Variants in WIPF1 observed in about 807,000 individuals in gnomAD.
WIPF1 encodes WAS/WASL-interacting protein family member 1.
In WIPF1, 13 loss-of-function variants were observed where a neutral mutation model predicts 35.4. The observed-to-expected ratio is 0.37, with a 90% CI of 0.24 to 0.58. The LOEUF (loss-of-function observed/expected upper bound fraction) is 0.58. Among genes scored for constraint, WIPF1 ranks in the 20% least tolerant of loss-of-function variants. The pLI, the probability that WIPF1 is intolerant of heterozygous loss-of-function variation, is 0.74. For missense variants in WIPF1, 591 were observed against 667.0 expected (o/e 0.89, Z 1.25); for synonymous variants, 267 against 266.3 (o/e 1.00, Z -0.02).
chr2:174,596,214 C>G (rs1444713948), intron 1 of WIPF1, among the ~76,000 whole-genome samples: 10 of 152,114 alleles, frequency 6.6e-5, no homozygotes, highest in Admixed American at 6.5e-4. Flanking sequence ...GCGCTATGAG[C>G]AAATAGCCCA....
intron 1 of WIPF1, chr2:174,634,473 T>C (rs985404684): frequency 6.6e-6 from 1 of 152,248 alleles, no homozygotes; most frequent in Non-Finnish European, 1.5e-5. Context: ...ATTAGGTATT[T>C]TAGAGTGGCT....
chr2:174,667,413 AC>A (rs1349890732), intron 1 of WIPF1, among the ~76,000 whole-genome samples: 2 of 151,746 alleles, frequency 1.3e-5, no homozygotes, highest in African/African-American at 2.4e-5. Flanking sequence ...TTCCACCTCC[AC>A]CCCCGTCCCT....
chr2:174,593,685 A>G (rs1310461552), intron 1 of WIPF1, among the ~76,000 whole-genome samples: 1 of 152,234 alleles, frequency 6.6e-6, no homozygotes, highest in Non-Finnish European at 1.5e-5. Flanking sequence ...AGTAAACCAC[A>G]GTCATCCTGT....
chr2:174,627,434 CT>C (rs1487487014), intron 1 of WIPF1, among the ~76,000 whole-genome samples: 5 of 144,566 alleles, frequency 3.5e-5, no homozygotes, highest in Admixed American at 6.8e-5. Flanking sequence ...TCTTTCTTTC[CT>C]TTCTCTTTCT....
intron 3 of WIPF1, 172 bp from the exon 4 acceptor site, chr2:174,575,552 G>A (rs898175464): frequency 6.1e-6 from 7 of 1,155,742 alleles, no homozygotes; most frequent in Admixed American, 2.7e-5. Context: ...AGAACTGCCC[G>A]CTCCAGGCAG....
At chr2:174,607,630 CT>C (rs1431307223) in intron 1 of WIPF1, among the ~76,000 whole-genome samples, 1 of 152,070 alleles carries the variant, frequency 6.6e-6, no homozygotes, top group Non-Finnish European at 1.5e-5. Flanking sequence ...CTTCCTTGAC[CT>C]CTTTCCCTAC....
chr2:174,608,056 C>G (rs1686226834), intron 1 of WIPF1, among the ~76,000 whole-genome samples: 2 of 152,034 alleles, frequency 1.3e-5, no homozygotes, highest in Admixed American at 1.3e-4. Context: ...CAGGTTGACA[C>G]AAGACAGCCA....
intron 1 of WIPF1, among the ~76,000 whole-genome samples, chr2:174,682,483 C>G (rs921037582): frequency 1.3e-5 from 2 of 152,158 alleles, no homozygotes; most frequent in South Asian, 2.1e-4. Flanking sequence ...CAGCGGTGAG[C>G]TCAGCCCGAG....
chr2:174,597,844 T>C (rs912528209), upstream of WIPF1: 6 of 152,664 alleles, frequency 3.9e-5, no homozygotes, highest in Non-Finnish European at 8.8e-5. Flanking sequence ...TTGTTTGTTG[T>C]TCCTTCCTCC....
intron 7 of WIPF1, among the ~76,000 whole-genome samples, chr2:174,564,329 A>G (rs918160649): frequency 4.1e-4 from 62 of 152,186 alleles, no homozygotes; most frequent in Admixed American, 4.1e-3. Context: ...CAATTTAAAA[A>G]CTACTTTTAG....
chr2:174,627,064 C>T (rs1369293557), intron 1 of WIPF1, among the ~76,000 whole-genome samples: 6 of 152,160 alleles, frequency 3.9e-5, no homozygotes, highest in African/African-American at 1.4e-4. Context: ...CAGGCTTTCC[C>T]CATGTGGCTA....
At chr2:174,586,286 C>G (rs12994635) in intron 1 of WIPF1, among the ~76,000 whole-genome samples, 1 of 151,820 alleles carries the variant, frequency 6.6e-6, no homozygotes, top group East Asian at 1.9e-4. Context: ...AGGATCTAAG[C>G]GAAAACAGAG....
intron 1 of WIPF1, among the ~76,000 whole-genome samples, chr2:174,663,475 C>T (rs769827077): frequency 2.0e-4 from 30 of 152,010 alleles, no homozygotes; most frequent in Non-Finnish European, 3.7e-4. Context: ...CCCTTCCCCC[C>T]ACCCCGCCGC....
chr2:174,573,368 G>C (rs1194710206), intron 4 of WIPF1, among the ~76,000 whole-genome samples: 1 of 152,100 alleles, frequency 6.6e-6, no homozygotes. Context: ...AGAGACTAGA[G>C]ACAGAGGAGT....
chr2:174,574,964 A>AAC, intron 4 of WIPF1: 1 of 737,410 alleles, frequency 1.4e-6, no homozygotes. Context: ...AAAAAAAAAA[A>AAC]AATGTACAGG....
intron 1 of WIPF1, among the ~76,000 whole-genome samples, chr2:174,663,298 G>A (rs1170222026): frequency 6.6e-6 from 1 of 152,160 alleles, no homozygotes; most frequent in African/African-American, 2.4e-5. Flanking sequence ...GTGCAGAGGA[G>A]AAACACAGGT....
chr2:174,641,336 T>C (rs982799952), intron 1 of WIPF1, among the ~76,000 whole-genome samples: 1 of 152,206 alleles, frequency 6.6e-6, no homozygotes, highest in Non-Finnish European at 1.5e-5. Context: ...GTTGCAAGAA[T>C]GGAGTTTCAG....
intron 1 of WIPF1, among the ~76,000 whole-genome samples, chr2:174,676,849 T>C (rs1296541424): frequency 1.3e-5 from 2 of 152,308 alleles, no homozygotes; most frequent in East Asian, 3.9e-4. Flanking sequence ...AAAAAGCTAA[T>C]TATGTATAAG....
At chr2:174,656,853 G>C (rs1687650443) in intron 1 of WIPF1, among the ~76,000 whole-genome samples, 1 of 152,206 alleles carries the variant, frequency 6.6e-6, no homozygotes, top group African/African-American at 2.4e-5. Flanking sequence ...ACCATCCAAA[G>C]ATCAGAATGG....
Sources: gnomAD v4.1 joint callset for allele counts (sites outside exome capture counted in the v4.1 genomes callset) on GRCh38, gnomAD v4.1.1 for gene constraint, MANE v1.5 for transcripts, NCBI Gene and HGNC (gene_info 2026-07-23, HGNC 2026-07-21) for gene names.